Variants in HMGXB4 observed in about 807,000 individuals in gnomAD.
HMGXB4 encodes the protein HMG domain-containing protein 4.
In HMGXB4, 27 loss-of-function variants were observed where a neutral mutation model predicts 63.9. The ratio of observed to expected loss-of-function variants is 0.42; its 90% CI spans 0.31 to 0.58. The LOEUF is 0.58. HMGXB4 is among the 20% of genes least tolerant of loss of function. The pLI, the probability that HMGXB4 is intolerant of heterozygous loss-of-function variation, is 0.13. For missense variants in HMGXB4, 624 were observed against 700.7 expected (o/e 0.89, Z 1.24); for synonymous variants, 264 against 265.3 (o/e 0.99, Z 0.05).
intron 5 of HMGXB4, among the ~76,000 whole-genome samples, chr22:35,281,141 C>T (rs1924218163): frequency 6.6e-6 from 1 of 152,160 alleles, no homozygotes; most frequent in African/African-American, 2.4e-5. Context: ...CTCTGCTTTT[C>T]CTTCATTGCC....
chr22:35,241,837 G>C, the HMGXB4 span, among the ~76,000 whole-genome samples: 75 of 152,292 alleles, frequency 4.9e-4, no homozygotes, highest in South Asian at 7.9e-3. Context: ...GTCCTCTCAG[G>C]ATTGCTGGTT....
At chr22:35,263,357 C>G (rs998144219) in intron 3 of HMGXB4, 131 bp downstream of exon 3, 2 of 710,160 alleles carry the variant, frequency 2.8e-6, no homozygotes, top group East Asian at 2.8e-5. Context: ...AATCTCTGCT[C>G]ACTGCAACCT....
intron 1 of HMGXB4, among the ~76,000 whole-genome samples, chr22:35,260,318 A>G (rs571013519): frequency 1.2e-4 from 19 of 152,312 alleles, no homozygotes; most frequent in African/African-American, 4.3e-4. Context: ...ATGAAAATCT[A>G]TATAATCTAT....
chr22:35,248,627 A>G, the HMGXB4 span, among the ~76,000 whole-genome samples: 6 of 151,592 alleles, frequency 4.0e-5, no homozygotes, highest in African/African-American at 1.5e-4. Flanking sequence ...CTGGTCTCGA[A>G]CTCCTGAGCT....
At chr22:35,263,295 T>G (rs2146400704) in intron 3 of HMGXB4, 69 bp downstream of exon 3, 3 of 1,315,042 alleles carry the variant, frequency 2.3e-6, no homozygotes, top group South Asian at 2.7e-5. Flanking sequence ...GCAGAGTTTT[T>G]TTTTGTTTTT....
the HMGXB4 span, among the ~76,000 whole-genome samples, chr22:35,246,128 C>T: frequency 6.6e-6 from 1 of 152,160 alleles, no homozygotes; most frequent in Admixed American, 6.5e-5. Flanking sequence ...TCCCTGACAC[C>T]ACCTGGGATG....
At chr22:35,251,808 A>G in the HMGXB4 span, among the ~76,000 whole-genome samples, 2 of 152,204 alleles carry the variant, frequency 1.3e-5, no homozygotes, top group African/African-American at 4.8e-5. Context: ...CATCATCAAA[A>G]TCAAGGTAAT....
intron 8 of HMGXB4, among the ~76,000 whole-genome samples, chr22:35,287,816 C>G (rs767565386): frequency 6.6e-6 from 1 of 152,030 alleles, no homozygotes; most frequent in Admixed American, 6.5e-5. Flanking sequence ...GGCGTGGTGG[C>G]GCATACCTGT....
chr22:35,278,242 A>G (rs973455849), intron 5 of HMGXB4, among the ~76,000 whole-genome samples: 3 of 152,122 alleles, frequency 2.0e-5, no homozygotes, highest in African/African-American at 7.2e-5. Context: ...ACTACAATTT[A>G]TTCATTCACT....
At chr22:35,279,677 CTTTTTTTT>C (rs35564206) in intron 5 of HMGXB4, among the ~76,000 whole-genome samples, 1 of 55,166 alleles carries the variant, frequency 1.8e-5, no homozygotes, top group Non-Finnish European at 4.0e-5. Flanking sequence ...GTCTAGATTC[CTTTTTTTT>C]TTTTTTTTTT....
Position 35,285,110 on chromosome 22 carries a change from T to C in HMGXB4, c.1298-887T>C, listed in dbSNP as rs147773677. ...ATAGGCCTTGTATTGTGGGATCAAA[T>C]TAAAGACACCAGAGGCAGGATGCAG... On this transcript the variant is annotated intron_variant, in intron 6 of 10. Transcript: ENST00000216106. Among the ~76,000 whole-genome samples, 18 of 152,330 alleles carry C rather than the reference T, an allele frequency of 1.2e-4. No individual in the cohort carries two copies. The East Asian group carries it at 3.1e-3, about 26-fold the overall frequency.
At chr22:35,243,922 T>C in the HMGXB4 span, among the ~76,000 whole-genome samples, 1 of 152,228 alleles carries the variant, frequency 6.6e-6, no homozygotes, top group Non-Finnish European at 1.5e-5. Flanking sequence ...GAGAAATTTT[T>C]TTCCCATTCA....
intron 6 of HMGXB4, 138 bp downstream of exon 6, chr22:35,284,181 CT>C: frequency 1.7e-6 from 1 of 604,654 alleles, no homozygotes; most frequent in Non-Finnish European, 3.0e-6. Flanking sequence ...TAGATTTTGC[CT>C]TAGTTTATCT....
Position 35,264,874 on chromosome 22 carries a change from G to A in HMGXB4, c.486G>A (p.Glu162=), listed in dbSNP as rs746842491. The A allele has an allele frequency of 3.1e-6, 5 of 1,613,992 alleles. No homozygotes were observed. The Admixed American group carries it at 5.0e-5, about 16-fold the overall frequency. Residue 162 remains glutamate (E), a synonymous_variant, in exon 5 of 11, where the codon GAG becomes GAA. Transcript: ENST00000216106. ...VSGSSGELPL[E]DGGSHKSKKM... ...GAAGCAGTGGGGAACTACCCCTAGA[G>A]GATGGTGGCTCCCACAAATCGAAAA...
chr22:35,271,989 T>C (rs540979439), intron 5 of HMGXB4, among the ~76,000 whole-genome samples: 3 of 152,310 alleles, frequency 2.0e-5, no homozygotes, highest in East Asian at 3.9e-4. Context: ...TCAATAAATA[T>C]TATAATCATC....
intron 1 of HMGXB4, 97 bp from the exon 2 acceptor site, chr22:35,262,226 C>G: frequency 1.5e-6 from 1 of 687,258 alleles, no homozygotes; most frequent in Non-Finnish European, 2.6e-6. Context: ...TGCTGCCCTT[C>G]CAGTCAGCCC....
At chr22:35,244,177 C>T in the HMGXB4 span, among the ~76,000 whole-genome samples, 4 of 152,136 alleles carry the variant, frequency 2.6e-5, no homozygotes, top group African/African-American at 9.7e-5. Flanking sequence ...CTCTCTAGGA[C>T]TCATGATAGG....
At chr22:35,251,031 G>A in the HMGXB4 span, among the ~76,000 whole-genome samples, 1 of 151,866 alleles carries the variant, frequency 6.6e-6, no homozygotes, top group Admixed American at 6.6e-5. Flanking sequence ...GGGATGGACT[G>A]GGCAAACCAA....
chr22:35,245,128 TC>T, the HMGXB4 span, among the ~76,000 whole-genome samples: 2 of 152,058 alleles, frequency 1.3e-5, no homozygotes, highest in South Asian at 4.1e-4. Context: ...CACCTTGGCC[TC>T]CCAAAATGCG....
Sources: allele counts gnomAD v4.1 joint callset (sites outside exome capture counted in the v4.1 genomes callset), GRCh38; gene constraint gnomAD v4.1.1; transcripts MANE v1.5; gene names NCBI Gene and HGNC (gene_info 2026-07-23, HGNC 2026-07-21).